The following CNTN1 variants were observed in gnomAD, a reference collection of about 807,000 sequenced individuals.
The protein encoded by CNTN1 is contactin 1, also known as contactin-1.
Under a neutral mutation model 126.4 loss-of-function variants are expected in CNTN1, and 38 were observed. The ratio of observed to expected loss-of-function variants is 0.30; its 90% CI spans 0.23 to 0.39. CNTN1 has a LOEUF of 0.39. CNTN1 is among the 10% of genes least tolerant of loss of function. CNTN1 has a pLI of 1.00. For missense variants in CNTN1, 1,009 were observed against 1,248.4 expected (o/e 0.81, Z 2.89); for synonymous variants, 413 against 422.6 (o/e 0.98, Z 0.28).
At chr12:41,063,943 G>A (rs1041290662) in intron 23 of CNTN1, among the ~76,000 whole-genome samples, 7 of 152,058 alleles carry the variant, frequency 4.6e-5, no homozygotes, top group African/African-American at 1.7e-4. Flanking sequence ...TTGGGAAGCC[G>A]AGGCGGGCGG....
rs142930836 is a variant in CNTN1 at position 41,062,300 on chromosome 12, A to C, written c.2981-7659A>C. Among the ~76,000 whole-genome samples, 261 of 152,346 alleles carry C rather than the reference A, an allele frequency of 1.7e-3. 2 individuals are homozygous for C. Among genetic ancestry groups the C allele is most frequent in the South Asian group, 0.013 (62 of 4,828 alleles). ...ACACCTCCTTTGTTAACATTAGACCATTCATAAAAATAACAATTTTGATAT... is the reference window on the plus strand; with the variant it reads ...ACACCTCCTTTGTTAACATTAGACCCTTCATAAAAATAACAATTTTGATAT... On this transcript the variant is annotated intron_variant, in intron 23 of 23. Transcript: ENST00000551295.
At chr12:40,908,933 T>G (rs891325236) in intron 2 of CNTN1, among the ~76,000 whole-genome samples, 4 of 152,156 alleles carry the variant, frequency 2.6e-5, no homozygotes, top group African/African-American at 9.7e-5. Context: ...GAGAAAACAA[T>G]GGGTTTTAAG....
chr12:41,042,622 C>G (rs1813616644), intron 23 of CNTN1, among the ~76,000 whole-genome samples: 1 of 152,058 alleles, frequency 6.6e-6, no homozygotes, highest in Non-Finnish European at 1.5e-5. Context: ...CTACCAATGA[C>G]TTTCTTCACA....
chr12:41,018,474 T>G (rs1341243508), intron 19 of CNTN1, among the ~76,000 whole-genome samples: 4 of 152,104 alleles, frequency 2.6e-5, no homozygotes, highest in Non-Finnish European at 5.9e-5. Flanking sequence ...CATCCTATGA[T>G]CTTTACTTTT....
intron 17 of CNTN1, among the ~76,000 whole-genome samples, chr12:40,999,407 C>G (rs994658970): frequency 6.6e-6 from 1 of 152,030 alleles, no homozygotes; most frequent in Non-Finnish European, 1.5e-5. Flanking sequence ...TGCACTGGAG[C>G]CTAAACTTAA....
At chr12:40,871,076 A>G (rs1458260606) in intron 1 of CNTN1, among the ~76,000 whole-genome samples, 2 of 151,868 alleles carry the variant, frequency 1.3e-5, no homozygotes, top group Non-Finnish European at 2.9e-5. Flanking sequence ...TATTCCCTGG[A>G]ATAATCCTAA....
In CNTN1 at chr12:40,944,180, T is replaced by C; in HGVS notation, c.1683+10T>C. ...CCAGAGGAATTTTATGGTATGTGTT[T>C]TAAGTTTCATCTTATTAACACCCCA... On this transcript the variant is annotated intron_variant, in intron 14 of 23. Coordinates refer to ENST00000551295, the MANE Select transcript of CNTN1 (RefSeq NM_001843.4). 1 of 1,606,114 alleles carries C rather than the reference T, an allele frequency of 6.2e-7. No individual in the cohort carries two copies. The highest frequency in any genetic ancestry group is 8.5e-7 in the Non-Finnish European group (1 of 1,173,148).
intron 7 of CNTN1, among the ~76,000 whole-genome samples, chr12:40,931,102 AAACTTCACTAC>A (rs1479158051): frequency 1.3e-5 from 2 of 152,006 alleles, no homozygotes; most frequent in African/African-American, 4.8e-5. Context: ...TTTCAATTAG[AAACTTCACTAC>A]AACACTTATT....
chr12:40,937,537 A>G, intron 10 of CNTN1, 33 bp from the exon 11 acceptor site: 1 of 1,343,928 alleles, frequency 7.4e-7, no homozygotes, highest in Non-Finnish European at 1.1e-6. Flanking sequence ...ATTAAAGTTC[A>G]TTGAGAATAT....
intron 23 of CNTN1, among the ~76,000 whole-genome samples, chr12:41,064,084 G>C (rs1455679539): frequency 6.6e-6 from 1 of 151,338 alleles, no homozygotes; most frequent in Non-Finnish European, 1.5e-5. Flanking sequence ...TGAGGCAGGA[G>C]AATGGCGTGA....
intron 1 of CNTN1, among the ~76,000 whole-genome samples, chr12:40,801,370 T>C (rs1940646556): frequency 6.6e-6 from 1 of 152,020 alleles, no homozygotes; most frequent in Non-Finnish European, 1.5e-5. Flanking sequence ...CAATATGTTC[T>C]TTGCTGTAGT....
At chr12:40,754,663 A>T (rs1938531639) in intron 1 of CNTN1, among the ~76,000 whole-genome samples, 1 of 151,900 alleles carries the variant, frequency 6.6e-6, no homozygotes, top group Non-Finnish European at 1.5e-5. Flanking sequence ...TTGTATTTTG[A>T]TGATATTTTC....
intron 16 of CNTN1, among the ~76,000 whole-genome samples, chr12:40,991,932 C>T (rs1217774672): frequency 2.6e-5 from 4 of 152,228 alleles, no homozygotes; most frequent in Non-Finnish European, 5.9e-5. Context: ...CTTCACTTTA[C>T]TTCTTTCAAT....
chr12:40,726,743 A>T (rs1942360366), intron 1 of CNTN1, among the ~76,000 whole-genome samples: 1 of 152,084 alleles, frequency 6.6e-6, no homozygotes, highest in Non-Finnish European at 1.5e-5. Context: ...AATTTATTTC[A>T]AGTTTTAAAA....
chr12:40,762,028 C>T lies in CNTN1; in HGVS notation c.-77+69436C>T, dbSNP rs78421517. ...TACACATTGACTAGCACAGACATCA[C>T]AAGGTCTTTACATTCCAGACTGTAT... On this transcript the variant is annotated intron_variant, in intron 1 of 23. Coordinates refer to ENST00000551295, the MANE Select transcript of CNTN1 (RefSeq NM_001843.4). Among the ~76,000 whole-genome samples, 172 of 152,306 alleles carry T rather than the reference C, an allele frequency of 1.1e-3. 4 individuals are homozygous for T. The East Asian group carries it at 0.024, about 21-fold the overall frequency.
At chr12:40,867,551 A>G (rs1227788766) in intron 1 of CNTN1, among the ~76,000 whole-genome samples, 2 of 152,222 alleles carry the variant, frequency 1.3e-5, no homozygotes, top group Admixed American at 6.5e-5. Context: ...TAATTAGCTC[A>G]GTTGAACCAT....
At chr12:40,880,800 T>C (rs1330580346) in intron 1 of CNTN1, among the ~76,000 whole-genome samples, 1 of 152,034 alleles carries the variant, frequency 6.6e-6, no homozygotes, top group Non-Finnish European at 1.5e-5. Flanking sequence ...TTCTCTTGAC[T>C]CTATTTTCTT....
intron 2 of CNTN1, among the ~76,000 whole-genome samples, chr12:40,909,315 T>C (rs1944945552): frequency 6.6e-6 from 1 of 152,022 alleles, no homozygotes; most frequent in Non-Finnish European, 1.5e-5. Flanking sequence ...GAAAAACTGA[T>C]ATAATTACCC....
chr12:40,713,033 G>C (rs9989033), intron 1 of CNTN1, among the ~76,000 whole-genome samples: 1 of 152,094 alleles, frequency 6.6e-6, no homozygotes, highest in Non-Finnish European at 1.5e-5. Flanking sequence ...AGGAATACCA[G>C]AGGCTGTGTA....
Sources: allele counts gnomAD v4.1 joint callset (sites outside exome capture counted in the v4.1 genomes callset), GRCh38; gene constraint gnomAD v4.1.1; transcripts MANE v1.5; gene names NCBI Gene and HGNC (gene_info 2026-07-23, HGNC 2026-07-21).